Variants in ARMH4 observed in about 807,000 individuals in gnomAD.
The protein encoded by ARMH4 is armadillo like helical domain containing 4.
ARMH4 carries 49 observed loss-of-function variants against 61.9 expected under a neutral mutation model. That is an observed-to-expected ratio of 0.79 (90% CI 0.63 to 1.00). The LOEUF (loss-of-function observed/expected upper bound fraction) is 1.00. ARMH4 is among the 50% of genes least tolerant of loss of function. The probability of loss-of-function intolerance (pLI) is 0.00; values close to 1 mark genes in which losing one functional copy is unlikely to be tolerated. For missense variants in ARMH4, 934 were observed against 930.0 expected, an observed-to-expected ratio of 1.00 and a Z score of -0.06; for synonymous variants, 368 against 341.5, an observed-to-expected ratio of 1.08 and a Z score of -0.85.
In ARMH4 at chr14:58,145,586, A is replaced by G. The variant is rs1351720317; in HGVS notation, c.-56-6172T>C. ...TTTCCAAAACATAATTTTCCTTCCA[A>G]GTTTATTTTCATCTGTATCTTGGGT... On this transcript the variant is annotated intron_variant, in intron 1 of 7. Coordinates refer to ENST00000267485, the MANE Select transcript of ARMH4 (RefSeq NM_001001872.4). 1.3e-5 allele frequency among the ~76,000 whole-genome samples: 2 copies of G among 152,162 alleles called. 1 individual carries two copies. Among genetic ancestry groups the G allele is most frequent in the African/African-American group, 4.8e-5 (2 of 41,440 alleles).
chr14:58,018,663 C>CACTG (rs1312745234), intron 5 of ARMH4, among the ~76,000 whole-genome samples: 1 of 152,174 alleles, frequency 6.6e-6, no homozygotes, highest in Non-Finnish European at 1.5e-5. Flanking sequence ...AATCCCTGTA[C>CACTG]ACTGTTGGTG....
chr14:58,002,731 A>C lies in ARMH4; in HGVS notation c.*2005T>G, dbSNP rs1267094008. On this transcript the variant is annotated 3_prime_UTR_variant, in exon 8 of 8. Transcript: ENST00000267485. ...AGGGCTGCTCTTAGAAAAGGAAAAC[A>C]TCCCTTATGCAATATCAGGATGTCT... 1.3e-5 allele frequency: 2 copies of C among 152,248 alleles called. No individual in the cohort carries two copies. Among genetic ancestry groups the C allele is most frequent in the Non-Finnish European group, 2.9e-5 (2 of 68,036 alleles). 9.4% of individuals were successfully genotyped at this position (152,248 alleles called of 1,614,324 possible).
intron 4 of ARMH4, among the ~76,000 whole-genome samples, chr14:58,107,246 T>C (rs1276190805): frequency 6.6e-6 from 1 of 152,188 alleles, no homozygotes; most frequent in African/African-American, 2.4e-5. Flanking sequence ...ATCCCAACAA[T>C]GACGGCAGGA....
intron 5 of ARMH4, among the ~76,000 whole-genome samples, chr14:58,030,695 A>G (rs530521601): frequency 6.6e-6 from 1 of 152,228 alleles, no homozygotes; most frequent in Non-Finnish European, 1.5e-5. Flanking sequence ...GATGCCTCAC[A>G]TAAGTGGAAT....
At chr14:58,099,445 C>T (rs1286350243) in intron 4 of ARMH4, among the ~76,000 whole-genome samples, 1 of 152,002 alleles carries the variant, frequency 6.6e-6, no homozygotes, top group Non-Finnish European at 1.5e-5. Context: ...TCCAAGGGCC[C>T]GAGTAAGAGA....
chr14:58,069,061 G>T (rs565167436), intron 5 of ARMH4, among the ~76,000 whole-genome samples: 10 of 149,920 alleles, frequency 6.7e-5, no homozygotes, highest in African/African-American at 2.0e-4. Flanking sequence ...GATCTATAAA[G>T]ATCTAGTCCA....
chr14:58,038,744 C>A (rs1452506233), intron 5 of ARMH4, among the ~76,000 whole-genome samples: 1 of 152,078 alleles, frequency 6.6e-6, no homozygotes, highest in African/African-American at 2.4e-5. Context: ...TCTGTGACAA[C>A]TATAATGTGA....
At chr14:58,148,692 A>G (rs1232603620) in intron 1 of ARMH4, among the ~76,000 whole-genome samples, 2 of 152,176 alleles carry the variant, frequency 1.3e-5, no homozygotes, top group African/African-American at 4.8e-5. Flanking sequence ...GTACTGTAAG[A>G]TTTTTTTAAT....
At chr14:58,054,140 AC>A (rs1201935069) in intron 5 of ARMH4, among the ~76,000 whole-genome samples, 1 of 152,196 alleles carries the variant, frequency 6.6e-6, no homozygotes, top group African/African-American at 2.4e-5. Flanking sequence ...CAAAAATCAA[AC>A]CCTGATCTGT....
At chr14:58,134,455 A>T (rs1887237154) in intron 2 of ARMH4, among the ~76,000 whole-genome samples, 1 of 152,190 alleles carries the variant, frequency 6.6e-6, no homozygotes, top group Non-Finnish European at 1.5e-5. Flanking sequence ...CAGACTACTT[A>T]TAAGTCAAGA....
At chr14:58,075,169 A>G (rs1885006746) in intron 5 of ARMH4, among the ~76,000 whole-genome samples, 1 of 152,232 alleles carries the variant, frequency 6.6e-6, no homozygotes, top group Admixed American at 6.5e-5. Context: ...AGTGTAAATT[A>G]GTTCAACCAT....
At chr14:58,077,059 C>T (rs749531778) in intron 5 of ARMH4, among the ~76,000 whole-genome samples, 13 of 152,158 alleles carry the variant, frequency 8.5e-5, no homozygotes, top group Admixed American at 8.5e-4. Context: ...CCACAGCCAA[C>T]GTCCCAGACC....
intron 5 of ARMH4, among the ~76,000 whole-genome samples, chr14:58,089,345 C>T (rs1289317812): frequency 6.6e-6 from 1 of 152,116 alleles, no homozygotes; most frequent in Non-Finnish European, 1.5e-5. Context: ...ATTAAGTAGT[C>T]AATCTTAGCT....
chr14:58,063,393 G>C (rs564267958), intron 5 of ARMH4, among the ~76,000 whole-genome samples: 1 of 152,246 alleles, frequency 6.6e-6, no homozygotes, highest in Non-Finnish European at 1.5e-5. Context: ...GGACTTCAAC[G>C]TATCTTCTGG....
At chr14:58,015,456 C>T (rs898434008) in intron 5 of ARMH4, among the ~76,000 whole-genome samples, 7 of 152,102 alleles carry the variant, frequency 4.6e-5, no homozygotes, top group African/African-American at 9.7e-5. Context: ...CATGAGACCC[C>T]GGAGCGCCAT....
At chr14:58,041,058 C>G (rs1428285500) in intron 5 of ARMH4, among the ~76,000 whole-genome samples, 1 of 152,178 alleles carries the variant, frequency 6.6e-6, no homozygotes, top group Non-Finnish European at 1.5e-5. Flanking sequence ...CGGGTGATTT[C>G]TGCATTTCCA....
At chr14:58,025,312 C>G (rs1882984591) in intron 5 of ARMH4, among the ~76,000 whole-genome samples, 1 of 152,118 alleles carries the variant, frequency 6.6e-6, no homozygotes, top group Non-Finnish European at 1.5e-5. Context: ...ACATAGCACT[C>G]CCATATAGCA....
rs1882015301 is a variant in ARMH4, at chr14:58,002,433, C to G, written c.*2303G>C. On this transcript the variant is annotated 3_prime_UTR_variant, in exon 8 of 8. Transcript: ENST00000267485. ...ACTGTGTTAAGCCAAAATTCACATA[C>G]ATGTCATCCTCACGGACCTCTGAGA... is the stretch of plus-strand genomic sequence containing the variant. 2.0e-5 allele frequency: 3 copies of G among 152,132 alleles called. No individual in the cohort carries two copies. The highest frequency in any genetic ancestry group is 4.4e-5 in the Non-Finnish European group (3 of 68,028). 9.4% of individuals were successfully genotyped at this position (152,132 alleles called of 1,614,324 possible).
intron 4 of ARMH4, among the ~76,000 whole-genome samples, chr14:58,129,145 A>G (rs1358675070): frequency 6.6e-6 from 1 of 152,250 alleles, no homozygotes; most frequent in Non-Finnish European, 1.5e-5. Context: ...TAGTTATGAC[A>G]GCCCTTGAAA....
Sources: allele counts gnomAD v4.1 joint callset (sites outside exome capture counted in the v4.1 genomes callset), GRCh38; gene constraint gnomAD v4.1.1; transcripts MANE v1.5; gene names NCBI Gene and HGNC (gene_info 2026-07-23, HGNC 2026-07-21).